Variants in CASK observed in about 807,000 individuals in gnomAD.
CASK encodes the protein calcium/calmodulin dependent serine protein kinase, also known as peripheral plasma membrane protein CASK.
In CASK, 4 loss-of-function variants were observed where a neutral mutation model predicts 82.9. The observed-to-expected ratio is 0.05, with a 90% confidence interval of 0.02 to 0.11. The LOEUF (loss-of-function observed/expected upper bound fraction) is 0.11. CASK is among the 10% of genes least tolerant of loss of function. CASK has a pLI of 1.00. For missense variants in CASK, 358 were observed against 720.9 expected (o/e 0.50, Z 5.76); for synonymous variants, 259 against 253.5 (o/e 1.02, Z -0.20).
chrX:41,616,305 T>G (rs1331792085), intron 11 of CASK, among the ~76,000 whole-genome samples: 1 of 112,066 alleles, frequency 8.9e-6, no homozygotes, highest in Admixed American at 9.5e-5. Flanking sequence ...GAGTGTTTAT[T>G]ATGTTCCAGG....
At chrX:41,846,475 G>A (rs2147957818) in intron 2 of CASK, among the ~76,000 whole-genome samples, 1 of 110,434 alleles carries the variant, frequency 9.1e-6, no homozygotes, top group South Asian at 4.0e-4. Flanking sequence ...GGAAAGTAGG[G>A]ATGGTTAATG....
At chrX:41,854,764 T>C (rs764399595) in intron 1 of CASK, among the ~76,000 whole-genome samples, 15 of 112,363 alleles carry the variant, frequency 1.3e-4, no homozygotes, top group African/African-American at 4.5e-4. Context: ...GGAAAAGAAA[T>C]GGTAATAATA....
chrX:41,630,771 C>T (rs1354439102), intron 9 of CASK, among the ~76,000 whole-genome samples: 1 of 111,333 alleles, frequency 9.0e-6, no homozygotes, highest in African/African-American at 3.3e-5. Context: ...AGAATTCAGA[C>T]GACTGAACTC....
At chrX:41,686,087 A>AT (rs1226365531) in intron 5 of CASK, among the ~76,000 whole-genome samples, 4 of 110,405 alleles carry the variant, frequency 3.6e-5, no homozygotes, top group Non-Finnish European at 7.6e-5. Context: ...AGGAACATGC[A>AT]TTTTTTTTCT....
chrX:41,575,071 G>A (rs2065467524), intron 15 of CASK, among the ~76,000 whole-genome samples: 1 of 112,124 alleles, frequency 8.9e-6, no homozygotes, highest in Non-Finnish European at 1.9e-5. Flanking sequence ...CTGTAAATTA[G>A]TGTGTAAGTC....
In CASK at chrX:41,869,266, T is replaced by C. The variant is rs753460666; in HGVS notation, c.60-16039A>G. Reference sequence around the variant, plus strand: ...ATTTGATAAACCAACCTCCACCTTATTCTGTTTTGTTCTGAAAGGCTACGC... The same window carrying C: ...ATTTGATAAACCAACCTCCACCTTACTCTGTTTTGTTCTGAAAGGCTACGC... On this transcript the variant is annotated intron_variant, in intron 1 of 26. Transcript: ENST00000378163. Among the ~76,000 whole-genome samples, 592 of 111,585 alleles carry C rather than the reference T, an allele frequency of 5.3e-3. 7 individuals carry two copies. Among genetic ancestry groups the C allele is most frequent in the Non-Finnish European group, 8.6e-3 (455 of 53,027 alleles).
At chrX:41,631,615 TGTG>T (rs1420933726) in intron 9 of CASK, among the ~76,000 whole-genome samples, 2 of 110,040 alleles carry the variant, frequency 1.8e-5, no homozygotes, top group African/African-American at 6.6e-5. Context: ...ATTACAAACA[TGTG>T]CCACCATGCC....
intron 20 of CASK, among the ~76,000 whole-genome samples, chrX:41,554,799 T>C (rs1235208049): frequency 1.8e-5 from 2 of 112,307 alleles, no homozygotes; most frequent in Non-Finnish European, 3.8e-5. Flanking sequence ...TTCTATCAGG[T>C]ACTAATTTAT....
At chrX:41,543,107 T>G (rs1019586788) in intron 21 of CASK, among the ~76,000 whole-genome samples, 2 of 112,642 alleles carry the variant, frequency 1.8e-5, no homozygotes, top group African/African-American at 6.4e-5. Context: ...AGGCCTGGTT[T>G]GAATTCTGGC....
Position 41,557,058 on chromosome X carries a change from G to A in CASK, c.1780C>T (p.His594Tyr). 1 of 1,209,104 alleles carries A rather than the reference G, an allele frequency of 8.3e-7. No individual in the cohort carries two copies. ...GAAACAGAATTGTTAGTGCTGCTAT[G>A]ACCATTAGCTGGGGACTGTCTGGAA... ...STSRQSPANGHSSTNNSVSDL... is the reference protein window; with the variant it reads ...STSRQSPANGYSSTNNSVSDL... The change falls in exon 19 of 27, where the codon CAT (histidine) becomes TAT (tyrosine). Residue 594 changes from histidine (H) to tyrosine (Y), a missense_variant. Physicochemically the swap from His to Tyr is moderately conservative, Grantham distance 83. Coordinates refer to ENST00000378163, the MANE Select transcript of CASK (RefSeq NM_001367721.1).
Position 41,676,047 on chromosome X carries a change from G to A in CASK, c.430-4517C>T, listed in dbSNP as rs2067259511. 4 of 1,205,744 alleles carry A rather than the reference G, an allele frequency of 3.3e-6. No homozygotes were observed. In the African/African-American group the frequency reaches 6.9e-5, roughly 21 times the overall value. On this transcript the variant is annotated intron_variant, in intron 5 of 26. Transcript: ENST00000378163. ...TTTTTGCTGATTTCAAAAGCTTCTT[G>A]GTATGCTTGTTGTGACTGATCCACA...
At chrX:41,886,681 A>C (rs189600239) in intron 1 of CASK, among the ~76,000 whole-genome samples, 5 of 112,082 alleles carry the variant, frequency 4.5e-5, no homozygotes, top group East Asian at 2.8e-4. Flanking sequence ...GGAAATTTCA[A>C]GTTAAAATCA....
intron 1 of CASK, among the ~76,000 whole-genome samples, chrX:41,915,945 G>A (rs773194887): frequency 1.8e-5 from 2 of 111,689 alleles, no homozygotes; most frequent in East Asian, 2.8e-4. Flanking sequence ...CCGAGATCGC[G>A]CCATTGCACT....
At chrX:41,710,889 T>C (rs763394057) in intron 5 of CASK, among the ~76,000 whole-genome samples, 20 of 112,365 alleles carry the variant, frequency 1.8e-4, no homozygotes, top group Non-Finnish European at 3.2e-4. Flanking sequence ...TTCGGAGAGT[T>C]TCTGGATAGC....
intron 5 of CASK, among the ~76,000 whole-genome samples, chrX:41,718,375 C>T (rs902104542): frequency 2.7e-5 from 3 of 113,089 alleles, no homozygotes; most frequent in Non-Finnish European, 5.6e-5. Context: ...TGATTTATAG[C>T]CTGTCGGTCA....
At chrX:41,540,663 A>G (rs1025242453) in intron 22 of CASK, among the ~76,000 whole-genome samples, 12 of 112,374 alleles carry the variant, frequency 1.1e-4, no homozygotes, top group African/African-American at 3.9e-4. Flanking sequence ...TTGCAGGACC[A>G]CTGTGCACCA....
intron 10 of CASK, chrX:41,624,341 G>C: frequency 3.0e-6 from 1 of 336,038 alleles, no homozygotes; most frequent in South Asian, 2.7e-5. Flanking sequence ...AAGGGCTCTG[G>C]ATAATGACCA....
chrX:41,603,341 CT>C (rs1259270484), intron 12 of CASK, among the ~76,000 whole-genome samples: 2 of 111,955 alleles, frequency 1.8e-5, no homozygotes, highest in African/African-American at 6.5e-5. Context: ...AAAATAAGCT[CT>C]TCTAAATATG....
intron 5 of CASK, among the ~76,000 whole-genome samples, chrX:41,706,833 GA>G (rs1396373204): frequency 2.7e-5 from 3 of 111,439 alleles, no homozygotes; most frequent in African/African-American, 9.8e-5. Context: ...ATGGCACACT[GA>G]ATATACCTTT....
Sources: allele counts gnomAD v4.1 joint callset (sites outside exome capture counted in the v4.1 genomes callset), GRCh38; gene constraint gnomAD v4.1.1; transcripts MANE v1.5; gene names NCBI Gene and HGNC (gene_info 2026-07-23, HGNC 2026-07-21).